KDM4A: variants seen among roughly 807,000 people sequenced by gnomAD.
KDM4A encodes lysine-specific demethylase 4A.
In KDM4A, 23 loss-of-function variants were observed where a neutral mutation model predicts 127.1. That is an observed-to-expected ratio of 0.18 (90% CI 0.13 to 0.26). The LOEUF is 0.26. KDM4A is among the 10% of genes least tolerant of loss of function. KDM4A has a pLI of 1.00. For synonymous variants in KDM4A, 443 were observed against 466.5 expected, an observed-to-expected ratio of 0.95 and a Z score of 0.65; for missense variants, 890 against 1,329.1, an observed-to-expected ratio of 0.67 and a Z score of 5.14.
At chr1:43,684,629 G>A (rs1216030967) in intron 12 of KDM4A, among the ~76,000 whole-genome samples, 2 of 152,232 alleles carry the variant, frequency 1.3e-5, no homozygotes, top group African/African-American at 2.4e-5. Context: ...GGCAAGGCCA[G>A]GGAGTGATAG....
At chr1:43,695,652 T>C (rs1188165919) in intron 18 of KDM4A, among the ~76,000 whole-genome samples, 1 of 152,218 alleles carries the variant, frequency 6.6e-6, no homozygotes, top group African/African-American at 2.4e-5. Context: ...TTTTTGATAA[T>C]CACTCAGGTG....
At chr1:43,680,119 A>G (rs892680487) in intron 11 of KDM4A, among the ~76,000 whole-genome samples, 2 of 152,188 alleles carry the variant, frequency 1.3e-5, no homozygotes, top group African/African-American at 4.8e-5. Flanking sequence ...ATGCCATGGT[A>G]GCAGGAGGAG....
At chr1:43,699,305 C>G (rs748537495) in intron 19 of KDM4A, among the ~76,000 whole-genome samples, 1 of 152,122 alleles carries the variant, frequency 6.6e-6, no homozygotes, top group Non-Finnish European at 1.5e-5. Flanking sequence ...CTTTGTTGCT[C>G]AGGCTGGTTT....
rs527781476 is a variant in KDM4A at position 43,660,477 on chromosome 1, C to G, written c.429+65C>G. 3.3e-6 allele frequency: 5 copies of G among 1,533,732 alleles called. No individual in the cohort carries two copies. In the African/African-American group the frequency reaches 6.9e-5, roughly 21 times the overall value. On this transcript the variant is annotated intron_variant, in intron 4 of 21. Transcript: ENST00000372396. ...ATTTTGTAATACCTTTTTTTCGGCCCGGCACGTAGTAGGCACCTAAAAGCT... is the reference window on the plus strand; with the variant it reads ...ATTTTGTAATACCTTTTTTTCGGCCGGGCACGTAGTAGGCACCTAAAAGCT...
intron 20 of KDM4A, 59 bp from the exon 21 acceptor site, chr1:43,703,961 G>C: frequency 6.8e-7 from 1 of 1,472,476 alleles, no homozygotes; most frequent in South Asian, 1.1e-5. Context: ...CACTGTGCAT[G>C]GTGGACCAGG....
chr1:43,663,259 G>A (rs755401040), intron 5 of KDM4A, among the ~76,000 whole-genome samples, 172 bp downstream of exon 5: 23 of 152,308 alleles, frequency 1.5e-4, no homozygotes, highest in South Asian at 8.3e-4. Flanking sequence ...TGCTGTTGGA[G>A]CTCTGGTGCT....
intron 4 of KDM4A, among the ~76,000 whole-genome samples, chr1:43,661,310 T>TA (rs1350796616): frequency 1.3e-5 from 2 of 151,392 alleles, no homozygotes; most frequent in Non-Finnish European, 1.5e-5. Flanking sequence ...TTGGAAGAGT[T>TA]AAAAAAATGA....
intron 3 of KDM4A, among the ~76,000 whole-genome samples, chr1:43,658,937 G>C (rs1313026207): frequency 1.3e-5 from 2 of 151,948 alleles, no homozygotes; most frequent in Non-Finnish European, 2.9e-5. Context: ...ACTGTACTTG[G>C]CTAGTTTGAA....
chr1:43,656,557 T>C (rs1033609895), intron 3 of KDM4A, among the ~76,000 whole-genome samples: 2 of 151,816 alleles, frequency 1.3e-5, no homozygotes, highest in African/African-American at 2.4e-5. Context: ...AGGCTGGTCT[T>C]GAACTCCTGA....
chr1:43,673,228 T>C (rs1416140642), intron 11 of KDM4A, among the ~76,000 whole-genome samples: 1 of 152,096 alleles, frequency 6.6e-6, no homozygotes, highest in African/African-American at 2.4e-5. Flanking sequence ...CAAGCTGCAG[T>C]CTTTGGTGAG....
intron 2 of KDM4A, 131 bp from the exon 3 acceptor site, chr1:43,655,460 G>A: frequency 2.6e-6 from 2 of 769,142 alleles, no homozygotes; most frequent in East Asian, 5.4e-5. Flanking sequence ...GTGTTTTGGT[G>A]AATGTGGGTA....
chr1:43,671,256 C>T (rs1660611711), intron 10 of KDM4A, among the ~76,000 whole-genome samples: 1 of 152,114 alleles, frequency 6.6e-6, no homozygotes, highest in South Asian at 2.1e-4. Context: ...GAGTGCCAGG[C>T]GGTGCTCAGG....
At chr1:43,671,418 T>C (rs1660614675) in intron 10 of KDM4A, 87 bp from the exon 11 acceptor site, 2 of 1,410,444 alleles carry the variant, frequency 1.4e-6, no homozygotes, top group Admixed American at 4.9e-5. Context: ...TCCCCGCCCA[T>C]GTTCCTTGTG....
At chr1:43,682,764 G>GTAGT (rs1660887018) in intron 11 of KDM4A, among the ~76,000 whole-genome samples, 1 of 152,204 alleles carries the variant, frequency 6.6e-6, no homozygotes, top group Admixed American at 6.5e-5. Context: ...GGGGCTCTGT[G>GTAGT]TAGTTGCACA....
At position 43,671,785 on chromosome 1, in the gene KDM4A, C is replaced by T; in HGVS notation, c.1644C>T (p.Ala548=). 1 of 1,612,708 alleles carries T rather than the reference C, an allele frequency of 6.2e-7. No homozygotes were observed. Among genetic ancestry groups the T allele is most frequent in the Non-Finnish European group, 8.5e-7 (1 of 1,179,110 alleles). ...GAGTTCTCACTGTGCACAGTTATGC[C>T]AAAGGGGATGGCAGGGTCACTGTGG... The part of the protein sequence containing the change: ...QTGVLTVHSY[A]KGDGRVTVGE... The change falls in exon 11 of 22, where the codon GCC becomes GCT. Residue 548 remains alanine, a synonymous_variant. Transcript: ENST00000372396.
intron 12 of KDM4A, among the ~76,000 whole-genome samples, chr1:43,687,728 C>T (rs1661019547): frequency 7.6e-6 from 1 of 132,398 alleles, no homozygotes; most frequent in Non-Finnish European, 1.8e-5. Context: ...TGGACTATGC[C>T]CCTGTTTCAC....
At position 43,669,341 on chromosome 1, in the gene KDM4A, T is replaced by C. The variant is rs1660568420; in HGVS notation, c.1363+42T>C. On this transcript the variant is annotated intron_variant, in intron 10 of 21. Transcript: ENST00000372396. ...GTATTTTCCACAACCCTAACTCATATATGTGTCCCGTGTTAGATGCCATAT... is the reference window on the plus strand; with the variant it reads ...GTATTTTCCACAACCCTAACTCATACATGTGTCCCGTGTTAGATGCCATAT... 4.4e-6 allele frequency: 7 copies of C among 1,581,418 alleles called. No individual in the cohort carries two copies. The African/African-American group carries it at 9.4e-5, about 21-fold the overall frequency.
intron 18 of KDM4A, among the ~76,000 whole-genome samples, chr1:43,696,704 G>A (rs1661248097): frequency 6.6e-6 from 1 of 152,192 alleles, no homozygotes; most frequent in African/African-American, 2.4e-5. Context: ...ATAGGGAAGA[G>A]TTTTTTCATA....
At chr1:43,685,344 T>G (rs6697354) in intron 12 of KDM4A, among the ~76,000 whole-genome samples, 102,755 of 151,804 alleles carry the variant, frequency 0.68, 35,149 homozygotes, top group East Asian at 0.72. Context: ...CTGGGCCCTG[T>G]CACCTTCAGG....
Sources: allele counts gnomAD v4.1 joint callset (sites outside exome capture counted in the v4.1 genomes callset), GRCh38; gene constraint gnomAD v4.1.1; transcripts MANE v1.5; gene names NCBI Gene and HGNC (gene_info 2026-07-23, HGNC 2026-07-21).